Variants in SIRT2 observed in about 807,000 individuals in gnomAD.
SIRT2 encodes the protein sirtuin 2, also known as NAD-dependent protein deacetylase sirtuin-2.
In SIRT2, 40 loss-of-function variants were observed where a neutral mutation model predicts 57.4. The ratio of observed to expected loss-of-function variants is 0.70; its 90% CI spans 0.54 to 0.91. The LOEUF (loss-of-function observed/expected upper bound fraction) is 0.91. SIRT2 is among the 40% of genes least tolerant of loss of function. The pLI is 0.00. For synonymous variants in SIRT2, 161 were observed against 195.7 expected, an observed-to-expected ratio of 0.82 and a Z score of 1.48; for missense variants, 439 against 510.4, an observed-to-expected ratio of 0.86 and a Z score of 1.35.
chr19:38,888,966 TG>T, intron 8 of SIRT2, 120 bp downstream of exon 8: 2 of 840,098 alleles, frequency 2.4e-6, no homozygotes, highest in Non-Finnish European at 3.9e-6. Flanking sequence ...GGCCAAGCCC[TG>T]GCCCCGCATT....
At chr19:38,894,018 A>G (rs771795145) in intron 2 of SIRT2, 151 bp from the exon 3 acceptor site, 49 of 1,475,196 alleles carry the variant, frequency 3.3e-5, no homozygotes, top group Non-Finnish European at 4.3e-5. Context: ...GGCTAGCTCC[A>G]GGGCTCTGGG....
intron 4 of SIRT2, among the ~76,000 whole-genome samples, chr19:38,892,248 T>C (rs968359849): frequency 1.3e-5 from 2 of 151,808 alleles, no homozygotes; most frequent in African/African-American, 4.8e-5. Flanking sequence ...TACAAAAAAT[T>C]AGCCAGTCGT....
intron 8 of SIRT2, 54 bp downstream of exon 8, chr19:38,889,033 A>G: frequency 6.5e-7 from 1 of 1,532,860 alleles, no homozygotes; most frequent in South Asian, 1.1e-5. Context: ...TGCTGAGGAC[A>G]CCATGCCCGT....
chr19:38,883,330 C>A (rs1034461164), intron 9 of SIRT2, among the ~76,000 whole-genome samples: 5 of 151,782 alleles, frequency 3.3e-5, no homozygotes, highest in Non-Finnish European at 7.4e-5. Flanking sequence ...CTCAGGTGAT[C>A]TGCCCGCCTT....
intron 1 of SIRT2, 56 bp from the exon 2 acceptor site, chr19:38,898,481 A>G: frequency 8.8e-7 from 1 of 1,142,838 alleles, no homozygotes; most frequent in Non-Finnish European, 1.2e-6. Flanking sequence ...GGGGGGAATA[A>G]AGGGGTTCAA....
chr19:38,890,979 GCT>G (rs1973516305), intron 4 of SIRT2, among the ~76,000 whole-genome samples: 3 of 152,236 alleles, frequency 2.0e-5, no homozygotes, highest in South Asian at 4.1e-4. Flanking sequence ...CTGAGCTTCA[GCT>G]CTGAGATGCC....
chr19:38,889,543 C>A, intron 7 of SIRT2, 146 bp downstream of exon 7: 1 of 858,554 alleles, frequency 1.2e-6, no homozygotes, highest in South Asian at 1.6e-5. Flanking sequence ...ACACGAGGAA[C>A]CAGGACTTGA....
intron 8 of SIRT2, among the ~76,000 whole-genome samples, chr19:38,885,127 T>C (rs1399241442): frequency 6.6e-6 from 1 of 150,826 alleles, no homozygotes; most frequent in Admixed American, 6.6e-5. Flanking sequence ...GCTCTGTCAC[T>C]CAGGCTGGAG....
intron 8 of SIRT2, among the ~76,000 whole-genome samples, chr19:38,887,356 C>G (rs951542869): frequency 2.6e-4 from 40 of 152,174 alleles, no homozygotes; most frequent in Middle Eastern, 3.2e-3. Flanking sequence ...GTCATGACAT[C>G]AACCACAAAA....
At chr19:38,898,246 TG>T in intron 2 of SIRT2, 132 bp downstream of exon 2, 1 of 519,788 alleles carries the variant, frequency 1.9e-6, no homozygotes. Flanking sequence ...AAAGCTGCAC[TG>T]GGTGGTGTGA....
At position 38,893,397 on chromosome 19, in the gene SIRT2, C is replaced by T. The variant is rs1247019134; in HGVS notation, c.226+17G>A. 1.3e-6 allele frequency: 2 copies of T among 1,565,610 alleles called. No homozygotes were observed. Among genetic ancestry groups the T allele is most frequent in the Non-Finnish European group, 1.8e-6 (2 of 1,136,086 alleles). On this transcript the variant is annotated intron_variant, in intron 4 of 15. Coordinates refer to ENST00000249396, the MANE Select transcript of SIRT2 (RefSeq NM_012237.4). Reference sequence around the variant, plus strand: ...CAGGAGCCAGGCAAAGTGGCCCAATCCTGACAGGGGACTCACAGCGTTCGC... The same window carrying T: ...CAGGAGCCAGGCAAAGTGGCCCAATTCTGACAGGGGACTCACAGCGTTCGC...
At chr19:38,882,415 G>C (rs1056139755) in intron 9 of SIRT2, among the ~76,000 whole-genome samples, 1 of 151,684 alleles carries the variant, frequency 6.6e-6, no homozygotes, top group Admixed American at 6.6e-5. Flanking sequence ...CGAGTGGATC[G>C]TTTGAGGTCA....
intron 4 of SIRT2, chr19:38,890,752 G>C (rs1973509335): frequency 6.4e-6 from 1 of 155,472 alleles, no homozygotes; most frequent in Non-Finnish European, 1.4e-5. Flanking sequence ...ACTTGGACTT[G>C]AGAAAAGGCC....
At chr19:38,898,982 G>A (rs1973829889) in intron 1 of SIRT2, 1 of 188,638 alleles carries the variant, frequency 5.3e-6, no homozygotes, top group Non-Finnish European at 1.1e-5. Flanking sequence ...CAGTGTGTGA[G>A]TGTGTGTGCG....
intron 8 of SIRT2, among the ~76,000 whole-genome samples, chr19:38,888,210 T>G (rs1458799818): frequency 2.6e-5 from 4 of 152,166 alleles, no homozygotes; most frequent in African/African-American, 9.7e-5. Flanking sequence ...TGAAACCAGG[T>G]CTCCCAGGCT....
intron 1 of SIRT2, 62 bp downstream of exon 1, chr19:38,899,444 G>GCCTGCAGCATTCAGCCAGGC: frequency 6.3e-7 from 1 of 1,599,944 alleles, no homozygotes; most frequent in Non-Finnish European, 8.5e-7. Flanking sequence ...GGGCCCCGGG[G>GCCTGCAGCATTCAGCCAGGC]CCTGCAGCAT....
At chr19:38,894,098 C>T in intron 2 of SIRT2, 1 of 763,400 alleles carries the variant, frequency 1.3e-6, no homozygotes, top group Non-Finnish European at 2.0e-6. Flanking sequence ...AGTGGCTTTG[C>T]TTTGCTTTTC....
At chr19:38,885,246 C>T (rs1268881393) in intron 8 of SIRT2, among the ~76,000 whole-genome samples, 1 of 151,266 alleles carries the variant, frequency 6.6e-6, no homozygotes, top group African/African-American at 2.4e-5. Context: ...CCACCATGCC[C>T]GGCTAATTTT....
intron 2 of SIRT2, chr19:38,894,113 T>C (rs1973641379): frequency 2.9e-6 from 2 of 681,062 alleles, no homozygotes; most frequent in Admixed American, 6.5e-5. Context: ...CTTTTCTTTT[T>C]TGAGACAGTG....
Sources: gnomAD v4.1 joint callset for allele counts (sites outside exome capture counted in the v4.1 genomes callset) on GRCh38, gnomAD v4.1.1 for gene constraint, MANE v1.5 for transcripts, NCBI Gene and HGNC (gene_info 2026-07-23, HGNC 2026-07-21) for gene names.